The following SLC25A26 variants were observed in gnomAD, a reference collection of about 807,000 sequenced individuals.
The protein encoded by SLC25A26 is solute carrier family 25 member 26.
SLC25A26 carries 36 observed loss-of-function variants against 37.8 expected under a neutral mutation model. That is an observed-to-expected ratio of 0.95 (90% confidence interval 0.73 to 1.26). SLC25A26 has a LOEUF of 1.26. Among genes scored for constraint, SLC25A26 ranks in the 50% most tolerant of loss-of-function variants. SLC25A26 has a pLI of 0.00. For missense variants in SLC25A26, 390 were observed against 331.1 expected (o/e 1.18, Z -1.38); for synonymous variants, 129 against 122.5 (o/e 1.05, Z -0.35).
chr3:66,330,943 G>A (rs981268213), intron 5 of SLC25A26, among the ~76,000 whole-genome samples: 7 of 151,832 alleles, frequency 4.6e-5, no homozygotes, highest in African/African-American at 1.7e-4. Flanking sequence ...CCTTTTCTTG[G>A]GTAGTGATTT....
intron 5 of SLC25A26, chr3:66,304,573 C>G (rs1031821253): frequency 2.7e-5 from 12 of 438,342 alleles, no homozygotes; most frequent in Admixed American, 1.3e-4. Context: ...GCTGAACATG[C>G]TAACTGGGAT....
chr3:66,232,828 A>G (rs1209406421), intron 1 of SLC25A26, among the ~76,000 whole-genome samples: 2 of 152,360 alleles, frequency 1.3e-5, no homozygotes, highest in Admixed American at 1.3e-4. Flanking sequence ...GAGAGTGGCA[A>G]GATGAAATTT....
chr3:66,356,306 A>G (rs553825207), intron 6 of SLC25A26, among the ~76,000 whole-genome samples: 4 of 152,132 alleles, frequency 2.6e-5, no homozygotes, highest in East Asian at 3.9e-4. Context: ...GCTAATAGCT[A>G]TTATCTTGGG....
rs2076770982 is a variant in SLC25A26, at chr3:66,363,986, C to G, written c.568+1057C>G. On this transcript the variant is annotated intron_variant, in intron 7 of 9. Transcript: ENST00000354883. ...TGGTCTTGATTCATTTTCCAGAGGT[C>G]AGGAGTCATTATTCCCCAGTCCCTA... 1.3e-5 allele frequency among the ~76,000 whole-genome samples: 2 copies of G among 152,060 alleles called. 1 individual carries two copies. Among genetic ancestry groups the G allele is most frequent in the South Asian group, 4.2e-4 (2 of 4,810 alleles).
intron 1 of SLC25A26, among the ~76,000 whole-genome samples, chr3:66,160,780 C>A (rs1327083917): frequency 6.6e-6 from 1 of 151,924 alleles, no homozygotes; most frequent in Non-Finnish European, 1.5e-5. Flanking sequence ...ACTAAAAACA[C>A]AAAAATTAGC....
At chr3:66,210,577 T>G (rs2071271910) in intron 1 of SLC25A26, among the ~76,000 whole-genome samples, 1 of 152,044 alleles carries the variant, frequency 6.6e-6, no homozygotes, top group South Asian at 2.1e-4. Flanking sequence ...TGCAGTGGTG[T>G]GATCTTTGCT....
At chr3:66,370,695 C>CT in intron 9 of SLC25A26, 93 bp downstream of exon 9, 1 of 947,566 alleles carries the variant, frequency 1.1e-6, no homozygotes, top group Admixed American at 2.4e-5. Flanking sequence ...TTCCCTTCTG[C>CT]TTATGTTCTG....
At chr3:66,187,626 A>G (rs2070854763) in intron 1 of SLC25A26, among the ~76,000 whole-genome samples, 1 of 151,938 alleles carries the variant, frequency 6.6e-6, no homozygotes, top group Admixed American at 6.6e-5. Context: ...TGAAACCCTC[A>G]TGCAAACCTT....
intron 1 of SLC25A26, among the ~76,000 whole-genome samples, chr3:66,141,317 C>A (rs906688615): frequency 2.6e-5 from 4 of 151,554 alleles, no homozygotes; most frequent in Non-Finnish European, 4.4e-5. Context: ...GGTCTGGCCT[C>A]GAGGGCTCAA....
At chr3:66,163,326 G>C (rs573516206) in intron 1 of SLC25A26, among the ~76,000 whole-genome samples, 6 of 152,264 alleles carry the variant, frequency 3.9e-5, no homozygotes, top group African/African-American at 1.4e-4. Flanking sequence ...TAGACGTGTT[G>C]CAGAGAACCA....
chr3:66,246,130 G>T (rs1433208476), intron 3 of SLC25A26, among the ~76,000 whole-genome samples: 1 of 152,196 alleles, frequency 6.6e-6, no homozygotes, highest in African/African-American at 2.4e-5. Context: ...CATCCGTGTT[G>T]TAGCATCTGT....
intron 1 of SLC25A26, among the ~76,000 whole-genome samples, chr3:66,154,257 T>A (rs960762647): frequency 1.3e-5 from 2 of 152,182 alleles, no homozygotes; most frequent in Admixed American, 6.5e-5. Context: ...AGACCCACAC[T>A]GTAGTAGCTT....
chr3:66,219,090 C>T (rs1335330573), upstream of SLC25A26, among the ~76,000 whole-genome samples: 5 of 152,210 alleles, frequency 3.3e-5, no homozygotes, highest in Non-Finnish European at 7.3e-5. Context: ...GAGGTGGGCG[C>T]TACTGTAATT....
chr3:66,300,239 T>G (rs2075032830), intron 5 of SLC25A26, among the ~76,000 whole-genome samples: 1 of 148,136 alleles, frequency 6.8e-6, no homozygotes, highest in Non-Finnish European at 1.5e-5. Context: ...ACTTCTAGGC[T>G]AGGGTTTTTT....
chr3:66,286,212 A>G (rs2074506627), intron 5 of SLC25A26, among the ~76,000 whole-genome samples: 2 of 152,152 alleles, frequency 1.3e-5, no homozygotes, highest in African/African-American at 4.8e-5. Context: ...GGTAAAGTTC[A>G]GTTCATTTTT....
At chr3:66,254,778 C>G (rs927834082) in intron 3 of SLC25A26, among the ~76,000 whole-genome samples, 4 of 152,218 alleles carry the variant, frequency 2.6e-5, no homozygotes, top group Non-Finnish European at 4.4e-5. Context: ...TAATTAGCTT[C>G]TAATATCAGA....
intron 6 of SLC25A26, among the ~76,000 whole-genome samples, chr3:66,357,702 T>C (rs1328582485): frequency 6.6e-6 from 1 of 151,962 alleles, no homozygotes; most frequent in Admixed American, 6.6e-5. Context: ...TAGAAAATTT[T>C]CGGCAGATTC....
At chr3:66,248,578 T>G (rs1390637705) in intron 3 of SLC25A26, among the ~76,000 whole-genome samples, 2 of 152,128 alleles carry the variant, frequency 1.3e-5, no homozygotes, top group Non-Finnish European at 2.9e-5. Context: ...TTGTCAGAAA[T>G]GAAAAAAACA....
At chr3:66,244,066 A>G (rs1238999658) in intron 3 of SLC25A26, among the ~76,000 whole-genome samples, 1 of 152,188 alleles carries the variant, frequency 6.6e-6, no homozygotes, top group African/African-American at 2.4e-5. Flanking sequence ...TAGATGGAGA[A>G]GCAACAGCCC....
Sources: gnomAD v4.1 joint callset for allele counts (sites outside exome capture counted in the v4.1 genomes callset) on GRCh38, gnomAD v4.1.1 for gene constraint, MANE v1.5 for transcripts, NCBI Gene and HGNC (gene_info 2026-07-23, HGNC 2026-07-21) for gene names.